FSTL5: variants seen among roughly 807,000 people sequenced by gnomAD.
FSTL5 encodes follistatin like 5, also known as follistatin-related protein 5.
FSTL5 carries 62 observed loss-of-function variants against 89.1 expected under a neutral mutation model. The ratio of observed to expected loss-of-function variants is 0.70; its 90% confidence interval spans 0.57 to 0.86. The LOEUF is 0.86. Among genes scored for constraint, FSTL5 ranks in the 40% least tolerant of loss-of-function variants. The pLI, the probability that FSTL5 is intolerant of heterozygous loss-of-function variation, is 0.00. For synonymous variants in FSTL5, 383 were observed against 346.2 expected (o/e 1.11, Z -1.18); for missense variants, 1,057 against 1,001.6 (o/e 1.06, Z -0.75).
At chr4:161,602,247 GAGAGAA>G (rs1431164415) in intron 7 of FSTL5, among the ~76,000 whole-genome samples, 64 of 106,310 alleles carry the variant, frequency 6.0e-4, no homozygotes, top group East Asian at 3.8e-3. Context: ...GAGAGAGAGG[GAGAGAA>G]AGAGAGAGAG....
In FSTL5 at chr4:161,959,795, G is replaced by A. The variant is rs1735121992; in HGVS notation, c.161-39143C>T. ...GACATCTGAGAAAGCTAATTCAGAG[G>A]TGTGCTATTGAATTAGCCTTTAATA... On this transcript the variant is annotated intron_variant, in intron 3 of 15. Transcript: ENST00000306100. Among the ~76,000 whole-genome samples the A allele has an allele frequency of 2.0e-5, 3 of 152,124 alleles. No homozygotes were observed. In the South Asian group the frequency reaches 6.2e-4, roughly 32 times the overall value.
At chr4:161,745,808 T>C (rs553698243) in intron 6 of FSTL5, among the ~76,000 whole-genome samples, 52 of 152,204 alleles carry the variant, frequency 3.4e-4, no homozygotes, top group African/African-American at 1.2e-3. Flanking sequence ...CTAATATAGA[T>C]AGTTCTTACA....
At chr4:161,434,512 T>G (rs527385876) in intron 15 of FSTL5, among the ~76,000 whole-genome samples, 47 of 152,052 alleles carry the variant, frequency 3.1e-4, no homozygotes, top group African/African-American at 1.1e-3. Flanking sequence ...CAAGTTGGAC[T>G]AGGCAAAGAT....
At chr4:161,820,010 T>TA (rs1246027375) in intron 4 of FSTL5, among the ~76,000 whole-genome samples, 2 of 152,154 alleles carry the variant, frequency 1.3e-5, no homozygotes, top group Non-Finnish European at 2.9e-5. Flanking sequence ...TTAGTTTCTT[T>TA]AAACTTTTAC....
intron 12 of FSTL5, among the ~76,000 whole-genome samples, chr4:161,488,893 G>T (rs1729771860): frequency 6.6e-6 from 1 of 151,950 alleles, no homozygotes; most frequent in Non-Finnish European, 1.5e-5. Context: ...TTGCATATAG[G>T]GCAAGGAGAA....
chr4:162,047,220 A>G (rs1405241371), intron 2 of FSTL5, among the ~76,000 whole-genome samples: 1 of 152,102 alleles, frequency 6.6e-6, no homozygotes, highest in Non-Finnish European at 1.5e-5. Context: ...ACCCTGGGAG[A>G]CAGAGAATTG....
intron 10 of FSTL5, among the ~76,000 whole-genome samples, chr4:161,536,093 G>C: frequency 1.3e-5 from 2 of 152,110 alleles, no homozygotes; most frequent in Middle Eastern, 3.4e-3. Flanking sequence ...CTAAAGGAGC[G>C]AAGTATGAAA....
chr4:161,691,146 CCT>C (rs1245627066), intron 6 of FSTL5, among the ~76,000 whole-genome samples: 3 of 151,626 alleles, frequency 2.0e-5, no homozygotes, highest in Non-Finnish European at 4.4e-5. Flanking sequence ...AATATTTGCC[CCT>C]GTTTTTTTTT....
chr4:161,546,573 G>C (rs1333941434), intron 8 of FSTL5, among the ~76,000 whole-genome samples: 1 of 151,582 alleles, frequency 6.6e-6, no homozygotes, highest in African/African-American at 2.4e-5. Context: ...AAAAACTAAA[G>C]AGAACACATT....
intron 8 of FSTL5, among the ~76,000 whole-genome samples, chr4:161,580,228 G>A (rs1733385548): frequency 6.6e-6 from 1 of 152,106 alleles, no homozygotes; most frequent in South Asian, 2.1e-4. Flanking sequence ...AGTATATAGA[G>A]GGAATTTTGA....
intron 3 of FSTL5, among the ~76,000 whole-genome samples, chr4:162,022,039 C>T (rs1204238368): frequency 1.3e-5 from 2 of 149,984 alleles, no homozygotes; most frequent in Non-Finnish European, 3.0e-5. Context: ...TGCAGTGGGC[C>T]GAGATTGCAC....
At chr4:161,586,061 C>A (rs758031687) in intron 8 of FSTL5, among the ~76,000 whole-genome samples, 86 of 152,284 alleles carry the variant, frequency 5.6e-4, no homozygotes, top group Non-Finnish European at 1.0e-3. Context: ...CCAATATTTT[C>A]AAACTTTTTG....
At chr4:161,515,815 G>A (rs768217883) in intron 10 of FSTL5, among the ~76,000 whole-genome samples, 3 of 151,360 alleles carry the variant, frequency 2.0e-5, no homozygotes, top group African/African-American at 4.8e-5. Flanking sequence ...ATGTGTATGT[G>A]TGTGGTGTGT....
At chr4:161,973,306 T>C (rs1163408686) in intron 3 of FSTL5, among the ~76,000 whole-genome samples, 1 of 152,214 alleles carries the variant, frequency 6.6e-6, no homozygotes, top group Non-Finnish European at 1.5e-5. Context: ...TAAATATTGC[T>C]GAGCTCTATG....
chr4:161,639,513 A>G (rs1272144983), intron 7 of FSTL5, among the ~76,000 whole-genome samples: 2 of 152,222 alleles, frequency 1.3e-5, no homozygotes, highest in Non-Finnish European at 2.9e-5. Context: ...TACACAGTTA[A>G]AAATCAATTT....
intron 2 of FSTL5, among the ~76,000 whole-genome samples, chr4:162,072,737 G>T (rs1579005263): frequency 6.6e-6 from 1 of 151,744 alleles, no homozygotes; most frequent in Non-Finnish European, 1.5e-5. Context: ...GGGTCACATG[G>T]TGCCAAAATA....
intron 2 of FSTL5, among the ~76,000 whole-genome samples, chr4:162,084,325 A>T (rs907077419): frequency 5.3e-5 from 8 of 152,050 alleles, no homozygotes; most frequent in African/African-American, 1.9e-4. Context: ...ATGATTAAAT[A>T]GGATTTTAAA....
chr4:161,598,190 CATGGCAG>C (rs1216751593), intron 7 of FSTL5, among the ~76,000 whole-genome samples: 1 of 152,004 alleles, frequency 6.6e-6, no homozygotes, highest in Non-Finnish European at 1.5e-5. Context: ...GCCTGGCCAA[CATGGCAG>C]AACTCCATCT....
chr4:161,922,644 G>A (rs1203369804), intron 3 of FSTL5, among the ~76,000 whole-genome samples: 2 of 151,650 alleles, frequency 1.3e-5, no homozygotes, highest in African/African-American at 4.8e-5. Context: ...TCAAACTTTA[G>A]GGCACTGACT....
Sources: allele counts gnomAD v4.1 joint callset (sites outside exome capture counted in the v4.1 genomes callset), GRCh38; gene constraint gnomAD v4.1.1; transcripts MANE v1.5; gene names NCBI Gene and HGNC (gene_info 2026-07-23, HGNC 2026-07-21).